The following TSPAN3 variants were observed in gnomAD, a reference collection of about 807,000 sequenced individuals.
TSPAN3 encodes tetraspanin-3.
A neutral mutation model predicts 31.1 loss-of-function variants in TSPAN3; 9 were observed. That is an observed-to-expected ratio of 0.29 (90% CI 0.17 to 0.50). TSPAN3 has a LOEUF of 0.50. TSPAN3 is among the 20% of genes least tolerant of loss of function. TSPAN3 has a pLI of 0.98. For synonymous variants in TSPAN3, 129 were observed against 114.3 expected (o/e 1.13, Z -0.82); for missense variants, 252 against 313.5 (o/e 0.80, Z 1.48).
At chr15:77,049,942 CAGAG>C (rs1395866506) in intron 6 of TSPAN3, among the ~76,000 whole-genome samples, 1 of 152,086 alleles carries the variant, frequency 6.6e-6, no homozygotes, top group Non-Finnish European at 1.5e-5. Flanking sequence ...TAATTGGAGG[CAGAG>C]TACAAACAAA....
rs949905182 is a variant in TSPAN3 at position 77,052,716 on chromosome 15, A to G, written c.585+61T>C. 41 of 1,575,418 alleles carry G rather than the reference A, an allele frequency of 2.6e-5. No individual in the cohort carries two copies. In the Admixed American group the frequency reaches 7.1e-4, roughly 27 times the overall value. On this transcript the variant is annotated intron_variant, in intron 5 of 6. Transcript: ENST00000267970. ...GGCAGAAAAGAAGTCCCAGATGGTG[A>G]TAAGACATGGTGAAAAACAGGTTAA...
intron 4 of TSPAN3, among the ~76,000 whole-genome samples, chr15:77,053,551 G>C (rs2076747352): frequency 7.3e-6 from 1 of 137,838 alleles, no homozygotes; most frequent in Non-Finnish European, 1.5e-5. Context: ...AAATCTTCAT[G>C]TCTTACATGT....
chr15:77,056,696 T>C (rs1353379185), intron 1 of TSPAN3, among the ~76,000 whole-genome samples: 1 of 152,140 alleles, frequency 6.6e-6, no homozygotes, highest in African/African-American at 2.4e-5. Flanking sequence ...TCTACACTTC[T>C]AATCTCTATC....
Position 77,045,219 on chromosome 15 carries a change from T to C in TSPAN3, c.*1616A>G, listed in dbSNP as rs2076683059. ...TGGGACTCATCCTAGATGAGTCTTCTCTTCTCCCTTCTCTGTCCCACGTCC... is the reference window on the plus strand; with the variant it reads ...TGGGACTCATCCTAGATGAGTCTTCCCTTCTCCCTTCTCTGTCCCACGTCC... On this transcript the variant is annotated 3_prime_UTR_variant, in exon 7 of 7. Coordinates refer to ENST00000267970, the MANE Select transcript of TSPAN3 (RefSeq NM_005724.6). 6.6e-6 allele frequency: 1 copy of C among 152,328 alleles called. No individual in the cohort carries two copies. The highest frequency in any genetic ancestry group is 2.4e-5 in the African/African-American group (1 of 41,428). The allele number at this position is 152,328 out of a possible 1,614,324, so 9.4% of individuals were successfully genotyped here. A position where few individuals can be genotyped will look rare whatever the true frequency, so the allele number is the denominator to read the frequency against.
intron 1 of TSPAN3, among the ~76,000 whole-genome samples, chr15:77,060,857 A>G (rs984908849): frequency 1.3e-5 from 2 of 152,242 alleles, no homozygotes; most frequent in Non-Finnish European, 2.9e-5. Flanking sequence ...TTTACAAAGA[A>G]GTGAAAGGAA....
At position 77,044,168 on chromosome 15, in the gene TSPAN3, A is replaced by G. The variant is rs1423762242; in HGVS notation, c.*2667T>C. ...TCCTGGACACACCCTAGAGCACCTT[A>G]GATGCTCTGGGACCCAGGCATCTGT... On this transcript the variant is annotated 3_prime_UTR_variant, in exon 7 of 7. Coordinates refer to ENST00000267970, the MANE Select transcript of TSPAN3 (RefSeq NM_005724.6). 6.6e-6 allele frequency: 1 copy of G among 152,212 alleles called. No homozygotes were observed. The highest frequency in any genetic ancestry group is 1.9e-4 in the East Asian group (1 of 5,196). 9.4% of individuals were successfully genotyped at this position (152,212 alleles called of 1,614,324 possible). A position where few individuals can be genotyped will look rare whatever the true frequency, so the allele number is the denominator to read the frequency against.
intron 1 of TSPAN3, among the ~76,000 whole-genome samples, chr15:77,068,811 T>A (rs1349305700): frequency 6.6e-6 from 1 of 152,256 alleles, no homozygotes. Flanking sequence ...GTAAAGGACA[T>A]GATCTCATTC....
At position 77,070,961 on chromosome 15, in the gene TSPAN3, G is replaced by A. The variant is rs751160866; in HGVS notation, c.-7C>T. On this transcript the variant is annotated 5_prime_UTR_variant, in exon 1 of 7. Coordinates refer to ENST00000267970, the MANE Select transcript of TSPAN3 (RefSeq NM_005724.6). ...TGATGCCGCACTGGCCCATGGCGCCGGTGGCCCGCGAAGGCCCGGCCCGGA... is the reference window on the plus strand; with the variant it reads ...TGATGCCGCACTGGCCCATGGCGCCAGTGGCCCGCGAAGGCCCGGCCCGGA... 2.8e-6 allele frequency: 4 copies of A among 1,428,632 alleles called. No homozygotes were observed. In the South Asian group the frequency reaches 4.2e-5, roughly 15 times the overall value. 88.5% of individuals were successfully genotyped at this position (1,428,632 alleles called of 1,614,324 possible).
In TSPAN3 at chr15:77,056,112, T is replaced by G; in HGVS notation, c.207A>C (p.Leu69=). Residue 69 remains leucine (L), a synonymous_variant, in exon 2 of 7, where the codon CTA becomes CTC. Coordinates refer to ENST00000267970, the MANE Select transcript of TSPAN3 (RefSeq NM_005724.6). Reference sequence around the variant, plus strand: ...CCCGGATTGTGGCACAGCAGCCAATTAGCCCAATGATGAAAAGCAGGGCTC... The same window carrying G: ...CCCGGATTGTGGCACAGCAGCCAATGAGCCCAATGATGAAAAGCAGGGCTC... ...AVGALLFIIG[L]IGCCATIRES... is the part of the protein sequence containing the mutation. 1 of 1,612,314 alleles carries G rather than the reference T, an allele frequency of 6.2e-7. No individual in the cohort carries two copies. The highest frequency in any genetic ancestry group is 8.5e-7 in the Non-Finnish European group (1 of 1,179,456).
At chr15:77,057,940 A>G (rs1449443125) in intron 1 of TSPAN3, among the ~76,000 whole-genome samples, 2 of 152,262 alleles carry the variant, frequency 1.3e-5, no homozygotes, top group South Asian at 2.1e-4. Flanking sequence ...ATCTTCCCTT[A>G]CATTCCTATC....
At chr15:77,068,874 T>C (rs531149909) in intron 1 of TSPAN3, among the ~76,000 whole-genome samples, 1 of 152,308 alleles carries the variant, frequency 6.6e-6, no homozygotes, top group Admixed American at 6.5e-5. Context: ...ATTTTCTTTG[T>C]CCAGTCTACC....
intron 1 of TSPAN3, among the ~76,000 whole-genome samples, chr15:77,068,953 G>GC (rs2076849997): frequency 6.6e-6 from 1 of 152,210 alleles, no homozygotes; most frequent in Non-Finnish European, 1.5e-5. Context: ...ATATATGCGT[G>GC]CAAGTGTCTT....
At position 77,055,805 on chromosome 15, in the gene TSPAN3, T is replaced by C. The variant is rs2076765025; in HGVS notation, c.314A>G (p.Tyr105Cys). ...VTEVVVVVLG[Y>C]VYRAKVENEV... ...ACAACATACCTTTGCTCTGTAAACA[T>C]ATCCCAAAACCACTACAACAACTTC... The change falls in exon 3 of 7, where the codon TAT (tyrosine) becomes TGT (cysteine). Residue 105 changes from tyrosine to cysteine, a missense_variant. Coordinates refer to ENST00000267970, the MANE Select transcript of TSPAN3 (RefSeq NM_005724.6). 1.2e-6 allele frequency: 2 copies of C among 1,610,156 alleles called. No individual in the cohort carries two copies. The highest frequency in any genetic ancestry group is 1.7e-6 in the Non-Finnish European group (2 of 1,179,092).
chr15:77,055,725 TA>T, intron 3 of TSPAN3, 63 bp downstream of exon 3: 1 of 1,249,260 alleles, frequency 8.0e-7, no homozygotes, highest in Non-Finnish European at 1.1e-6. Flanking sequence ...GAATGTGTTC[TA>T]TTTTACTTGA....
chr15:77,057,476 C>G (rs941537636), intron 1 of TSPAN3, among the ~76,000 whole-genome samples: 6 of 152,084 alleles, frequency 3.9e-5, no homozygotes, highest in Admixed American at 3.9e-4. Context: ...TACACTAGGC[C>G]ATTAGGATCA....
chr15:77,070,976 C>A lies in TSPAN3; in HGVS notation c.-22G>T. The A allele has an allele frequency of 7.0e-7, 1 of 1,419,212 alleles. No homozygotes were observed. The highest frequency in any genetic ancestry group is 1.4e-5 in the South Asian group (1 of 70,032). The allele number at this position is 1,419,212 out of a possible 1,614,324, so 87.9% of individuals were successfully genotyped here. On this transcript the variant is annotated 5_prime_UTR_variant, in exon 1 of 7. Coordinates refer to ENST00000267970, the MANE Select transcript of TSPAN3 (RefSeq NM_005724.6). ...CCATGGCGCCGGTGGCCCGCGAAGGCCCGGCCCGGAGAGCGGGGCTGCGCT... is the reference window on the plus strand; with the variant it reads ...CCATGGCGCCGGTGGCCCGCGAAGGACCGGCCCGGAGAGCGGGGCTGCGCT...
chr15:77,050,416 A>G (rs1227870389), intron 6 of TSPAN3, among the ~76,000 whole-genome samples: 1 of 152,222 alleles, frequency 6.6e-6, no homozygotes, highest in Non-Finnish European at 1.5e-5. Context: ...CTTAAGTATA[A>G]AACACATATG....
chr15:77,053,324 C>T (rs897989308), intron 4 of TSPAN3, among the ~76,000 whole-genome samples: 4 of 151,404 alleles, frequency 2.6e-5, no homozygotes, highest in South Asian at 2.1e-4. Context: ...GGTGAAACCC[C>T]GTCTCTACTA....
rs1004555733 is a variant in TSPAN3 at position 77,045,038 on chromosome 15, G to C, written c.*1797C>G. On this transcript the variant is annotated 3_prime_UTR_variant, in exon 7 of 7. Transcript: ENST00000267970. ...AGTTTTTACTCCTCTCCTTTCCCGT[G>C]TCTTCTCCATTTTCAGGTGGGACAG... 3 of 152,058 alleles carry C rather than the reference G, an allele frequency of 2.0e-5. No individual in the cohort carries two copies. Among genetic ancestry groups the C allele is most frequent in the African/African-American group, 7.3e-5 (3 of 41,376 alleles). 9.4% of individuals were successfully genotyped at this position (152,058 alleles called of 1,614,324 possible).
Sources: allele counts gnomAD v4.1 joint callset (sites outside exome capture counted in the v4.1 genomes callset), GRCh38; gene constraint gnomAD v4.1.1; transcripts MANE v1.5; gene names NCBI Gene and HGNC (gene_info 2026-07-23, HGNC 2026-07-21).